GRM8: variants seen among roughly 807,000 people sequenced by gnomAD.
GRM8 encodes glutamate metabotropic receptor 8.
A neutral mutation model predicts 87.2 loss-of-function variants in GRM8; 47 were observed. That is an observed-to-expected ratio of 0.54 (90% confidence interval 0.43 to 0.69). GRM8 has a LOEUF of 0.69. Among genes scored for constraint, GRM8 ranks in the 30% least tolerant of loss-of-function variants. The pLI is 0.00. For missense variants in GRM8, 1,019 were observed against 1,139.2 expected (o/e 0.89, Z 1.52); for synonymous variants, 396 against 404.5 (o/e 0.98, Z 0.25).
rs1801896607 is a variant in GRM8 at position 126,899,863 on chromosome 7, CCA to C, written c.1156+2677_1156+2678del. The stretch of plus-strand genomic sequence containing the variant: ...ACTTCTTGAAACAGCATCCTTTCCT[CCA>C]CTTCTATTCTGTTCTCTCTCAACCC... On this transcript the variant is annotated intron_variant, in intron 6 of 10. Coordinates refer to ENST00000339582, the MANE Select transcript of GRM8 (RefSeq NM_000845.3). Among the ~76,000 whole-genome samples, 4 of 152,130 alleles carry C rather than the reference CCA, an allele frequency of 2.6e-5. No homozygotes were observed. In the South Asian group the frequency reaches 8.3e-4, roughly 32 times the overall value.
intron 2 of GRM8, among the ~76,000 whole-genome samples, chr7:127,161,474 C>T (rs1028629560): frequency 3.0e-4 from 46 of 152,270 alleles, no homozygotes; most frequent in African/African-American, 1.0e-3. Context: ...AACCCTGACA[C>T]TCAGTCTCAG....
intron 1 of GRM8, among the ~76,000 whole-genome samples, chr7:127,247,681 C>G (rs10258076): frequency 0.15 from 23,052 of 152,100 alleles, 2,040 homozygotes; most frequent in Middle Eastern, 0.29. Flanking sequence ...GCTGGTAACA[C>G]TGAACATGTC....
At chr7:126,973,010 C>T (rs1586638541) in intron 3 of GRM8, among the ~76,000 whole-genome samples, 1 of 152,192 alleles carries the variant, frequency 6.6e-6, no homozygotes. Flanking sequence ...ATGAGCCAGA[C>T]AGCTATCCAA....
intron 6 of GRM8, among the ~76,000 whole-genome samples, chr7:126,793,770 G>C (rs1194476577): frequency 2.6e-5 from 4 of 152,144 alleles, no homozygotes; most frequent in African/African-American, 9.7e-5. Flanking sequence ...TGCTAAAGCA[G>C]AGAAACTTAG....
chr7:127,064,110 G>A (rs1472676728), intron 3 of GRM8, among the ~76,000 whole-genome samples: 3 of 152,214 alleles, frequency 2.0e-5, no homozygotes. Flanking sequence ...ATTGTTTTAG[G>A]TGGAAAGTTC....
intron 3 of GRM8, among the ~76,000 whole-genome samples, chr7:127,047,386 A>G (rs1819034967): frequency 6.6e-6 from 1 of 152,194 alleles, no homozygotes; most frequent in African/African-American, 2.4e-5. Context: ...AAGGAGGCCA[A>G]AGAGTTTTAA....
chr7:127,219,316 T>G lies in GRM8; in HGVS notation c.510+23379A>C, dbSNP rs1255552999. On this transcript the variant is annotated intron_variant, in intron 2 of 10. Coordinates refer to ENST00000339582, the MANE Select transcript of GRM8 (RefSeq NM_000845.3). ...TAGTTACCTCAAGATAGAAATATAGTAAAGAACTTTTGTCTTTCATGACAG... is the reference window on the plus strand; with the variant it reads ...TAGTTACCTCAAGATAGAAATATAGGAAAGAACTTTTGTCTTTCATGACAG... Among the ~76,000 whole-genome samples, 4 of 152,216 alleles carry G rather than the reference T, an allele frequency of 2.6e-5. 1 individual carries two copies. The South Asian group carries it at 8.3e-4, about 32-fold the overall frequency.
chr7:127,188,691 G>C (rs1289341845), intron 2 of GRM8, among the ~76,000 whole-genome samples: 1 of 152,158 alleles, frequency 6.6e-6, no homozygotes, highest in African/African-American at 2.4e-5. Flanking sequence ...CTCCAGCCAA[G>C]CCTGGTATAG....
intron 3 of GRM8, among the ~76,000 whole-genome samples, chr7:127,033,468 G>A (rs910107361): frequency 1.3e-5 from 2 of 151,952 alleles, no homozygotes; most frequent in Non-Finnish European, 2.9e-5. Flanking sequence ...GAGCACCTAT[G>A]TACCATGAAC....
chr7:127,075,330 C>A (rs948093025), intron 3 of GRM8, among the ~76,000 whole-genome samples: 15 of 152,136 alleles, frequency 9.9e-5, no homozygotes, highest in Admixed American at 6.5e-4. Flanking sequence ...ATATTTCCCA[C>A]AATTACTTAG....
chr7:126,824,186 A>T (rs1277879958), intron 6 of GRM8, among the ~76,000 whole-genome samples: 2 of 152,150 alleles, frequency 1.3e-5, no homozygotes, highest in East Asian at 3.8e-4. Context: ...TGAGATAAGC[A>T]TTGTTTATCC....
At chr7:126,781,238 G>A (rs1164938167) in intron 6 of GRM8, among the ~76,000 whole-genome samples, 2 of 152,168 alleles carry the variant, frequency 1.3e-5, no homozygotes, top group African/African-American at 4.8e-5. Flanking sequence ...AATCCCACTA[G>A]CCTGCACCTC....
chr7:126,690,167 G>A (rs905882289), intron 7 of GRM8, among the ~76,000 whole-genome samples: 4 of 152,176 alleles, frequency 2.6e-5, no homozygotes, highest in Non-Finnish European at 4.4e-5. Flanking sequence ...GGCTGATGGC[G>A]CCTTTGCCTG....
intron 6 of GRM8, among the ~76,000 whole-genome samples, chr7:126,817,539 G>A (rs1180497857): frequency 6.6e-6 from 1 of 152,046 alleles, no homozygotes; most frequent in Admixed American, 6.6e-5. Context: ...CATTTGTAAG[G>A]TTCAGTTTAT....
At chr7:127,188,142 T>A (rs1211173934) in intron 2 of GRM8, among the ~76,000 whole-genome samples, 1 of 152,220 alleles carries the variant, frequency 6.6e-6, no homozygotes, top group Non-Finnish European at 1.5e-5. Flanking sequence ...CATGGAGTAT[T>A]TCAGGAGGGC....
At chr7:126,506,336 G>A (rs1810462088) in intron 9 of GRM8, among the ~76,000 whole-genome samples, 1 of 151,846 alleles carries the variant, frequency 6.6e-6, no homozygotes, top group Non-Finnish European at 1.5e-5. Context: ...TTCCCTACAT[G>A]ACTTTATGAT....
chr7:126,933,042 T>C (rs1046408668), intron 3 of GRM8, among the ~76,000 whole-genome samples: 14 of 152,172 alleles, frequency 9.2e-5, no homozygotes, highest in Non-Finnish European at 1.6e-4. Flanking sequence ...TGAGGATGAC[T>C]CTGATAGTGA....
chr7:126,824,205 G>T (rs1428937295), intron 6 of GRM8, among the ~76,000 whole-genome samples: 1 of 151,876 alleles, frequency 6.6e-6, no homozygotes, highest in Non-Finnish European at 1.5e-5. Context: ...CCTTCAATTA[G>T]TCATTTCATG....
intron 9 of GRM8, among the ~76,000 whole-genome samples, chr7:126,519,529 C>G (rs1044745052): frequency 1.4e-4 from 21 of 152,074 alleles, no homozygotes; most frequent in African/African-American, 5.1e-4. Flanking sequence ...AAAAAAGTCT[C>G]TTCTACAGAA....
Sources: allele counts gnomAD v4.1 joint callset (sites outside exome capture counted in the v4.1 genomes callset), GRCh38; gene constraint gnomAD v4.1.1; transcripts MANE v1.5; gene names NCBI Gene and HGNC (gene_info 2026-07-23, HGNC 2026-07-21).